KLHL42: variants seen among roughly 807,000 people sequenced by gnomAD.
KLHL42 encodes kelch-like protein 42.
Under a neutral mutation model 32.7 loss-of-function variants are expected in KLHL42, and 27 were observed. That is an observed-to-expected ratio of 0.83 (90% CI 0.61 to 1.14). KLHL42 has a LOEUF of 1.14. KLHL42 is among the 50% of genes most tolerant of loss of function. The pLI is 0.00. For synonymous variants in KLHL42, 267 were observed against 248.2 expected (o/e 1.08, Z -0.71); for missense variants, 491 against 560.8 (o/e 0.88, Z 1.26).
At position 27,801,528 on chromosome 12, in the gene KLHL42, T is replaced by C. The variant is rs1303522810; in HGVS notation, c.*3362T>C. ...GCAGCATAGCAATGTAAAAGGAATA[T>C]AAGTAGGTGTTGGATGCCTTTTTCC... On this transcript the variant is annotated 3_prime_UTR_variant, in exon 3 of 3. Transcript: ENST00000381271. 1 of 152,202 alleles carries C rather than the reference T, an allele frequency of 6.6e-6. No homozygotes were observed. Among genetic ancestry groups the C allele is most frequent in the Non-Finnish European group, 1.5e-5 (1 of 68,046 alleles). The allele number at this position is 152,202 out of a possible 1,614,324, so 9.4% of individuals were successfully genotyped here. A position where few individuals can be genotyped will look rare whatever the true frequency, so the allele number is the denominator to read the frequency against.
Position 27,797,639 on chromosome 12 carries a change from A to T in KLHL42, c.1067-76A>T, listed in dbSNP as rs576571768. The T allele has an allele frequency of 1.5e-4, 98 of 659,776 alleles. No homozygotes were observed. The African/African-American group carries it at 1.7e-3, about 11-fold the overall frequency. 40.9% of individuals were successfully genotyped at this position (659,776 alleles called of 1,614,324 possible). On this transcript the variant is annotated intron_variant, in intron 2 of 2. Coordinates refer to ENST00000381271, the MANE Select transcript of KLHL42 (RefSeq NM_020782.2). ...CTTTGTTACCAAATTATGCAGGCAG[A>T]GGTAGACATTTCTGTACAGACTTGC...
At chr12:27,791,328 G>A (rs2062196145) in intron 1 of KLHL42, among the ~76,000 whole-genome samples, 1 of 152,204 alleles carries the variant, frequency 6.6e-6, no homozygotes, top group Admixed American at 6.5e-5. Context: ...CCCATTCTGA[G>A]AGGTGAAAGA....
Position 27,802,405 on chromosome 12 carries a change from C to CT in KLHL42, c.*4240dup, listed in dbSNP as rs1339144545. The CT allele has an allele frequency of 6.6e-6, 1 of 152,380 alleles. No homozygotes were observed. The highest frequency in any genetic ancestry group is 1.5e-5 in the Non-Finnish European group (1 of 68,026). 9.4% of individuals were successfully genotyped at this position (152,380 alleles called of 1,614,324 possible). On this transcript the variant is annotated 3_prime_UTR_variant, in exon 3 of 3. Coordinates refer to ENST00000381271, the MANE Select transcript of KLHL42 (RefSeq NM_020782.2). ...TTAATAAAGAAATTTCCATTCCACA[C>CT]TAGTACTGATGAAAAGGTGGTTGAT...
At chr12:27,781,953 CA>C (rs1331014708) in intron 1 of KLHL42, among the ~76,000 whole-genome samples, 1 of 152,052 alleles carries the variant, frequency 6.6e-6, no homozygotes, top group Non-Finnish European at 1.5e-5. Flanking sequence ...GGAAAGGAAC[CA>C]GGGAAGGAAT....
At position 27,797,756 on chromosome 12, in the gene KLHL42, A is replaced by C. The variant is rs767212876; in HGVS notation, c.1108A>C (p.Met370Leu). Residue 370 changes from methionine (M) to leucine (L), a missense_variant, in exon 3 of 3, where the codon ATG becomes CTG. Physicochemically the swap from Met to Leu is conservative, Grantham distance 15. Around this residue, in one of 4 missense-constraint regions of KLHL42, gnomAD observed 152 missense variants for 125.9 expected, o/e 1.21. Transcript: ENST00000381271. Reference sequence around the variant, plus strand: ...TTTGCAGTACTGCCCCTCTTCCGACATGTGGACGCTCTTTGAAACATGTGA... The same window carrying C: ...TTTGCAGTACTGCCCCTCTTCCGACCTGTGGACGCTCTTTGAAACATGTGA... ...NILQYCPSSD[M>L]WTLFETCDVH... is the part of the protein sequence containing the mutation. 6.5e-5 allele frequency: 47 copies of C among 725,018 alleles called. No homozygotes were observed. The East Asian group carries it at 1.1e-3, about 17-fold the overall frequency. 44.9% of individuals were successfully genotyped at this position (725,018 alleles called of 1,614,324 possible).
At position 27,802,741 on chromosome 12, in the gene KLHL42, C is replaced by T. The variant is rs1342054994; in HGVS notation, c.*4575C>T. ...AATGTGATTTACGTTGTCATTTTTCCTATTAAAAAAAACCCTTAAGAATGG... is the reference window on the plus strand; with the variant it reads ...AATGTGATTTACGTTGTCATTTTTCTTATTAAAAAAAACCCTTAAGAATGG... On this transcript the variant is annotated 3_prime_UTR_variant, in exon 3 of 3. Coordinates refer to ENST00000381271, the MANE Select transcript of KLHL42 (RefSeq NM_020782.2). 2 of 151,840 alleles carry T rather than the reference C, an allele frequency of 1.3e-5. No individual in the cohort carries two copies. Among genetic ancestry groups the T allele is most frequent in the African/African-American group, 2.4e-5 (1 of 41,168 alleles). 9.4% of individuals were successfully genotyped at this position (151,840 alleles called of 1,614,324 possible).
At chr12:27,783,791 A>C (rs1294099921) in intron 1 of KLHL42, among the ~76,000 whole-genome samples, 1 of 151,964 alleles carries the variant, frequency 6.6e-6, no homozygotes, top group Non-Finnish European at 1.5e-5. Flanking sequence ...TCACTGTGTT[A>C]GACAGGATGG....
intron 2 of KLHL42, 88 bp downstream of exon 2, chr12:27,791,989 C>G (rs1049145316): frequency 5.6e-6 from 6 of 1,062,538 alleles, no homozygotes; most frequent in Non-Finnish European, 8.6e-6. Flanking sequence ...GAAGCCCCGA[C>G]ATATCCGAGT....
At chr12:27,795,407 C>T (rs1004912623) in intron 2 of KLHL42, among the ~76,000 whole-genome samples, 3 of 152,162 alleles carry the variant, frequency 2.0e-5, no homozygotes, top group South Asian at 2.1e-4. Context: ...GGCCACCCAC[C>T]GTGATTTCTG....
intron 2 of KLHL42, chr12:27,792,132 G>T: frequency 3.1e-6 from 1 of 327,544 alleles, no homozygotes; most frequent in African/African-American, 2.5e-5. Context: ...GGAAGGGAGA[G>T]CTGTGAAAAA....
Position 27,798,376 on chromosome 12 carries a change from AT to A in KLHL42, c.*215del. The A allele has an allele frequency of 1.9e-6, 1 of 516,658 alleles. No individual in the cohort carries two copies. 32.0% of individuals were successfully genotyped at this position (516,658 alleles called of 1,614,324 possible). A position where few individuals can be genotyped will look rare whatever the true frequency, so the allele number is the denominator to read the frequency against. On this transcript the variant is annotated 3_prime_UTR_variant, in exon 3 of 3. Coordinates refer to ENST00000381271, the MANE Select transcript of KLHL42 (RefSeq NM_020782.2). ...AACTTTGTTATTTTTTAAATTATTG[AT>A]TTTTAAATTATGGGAGCAAATCCAT...
chr12:27,798,098 C>T lies in KLHL42; in HGVS notation c.1450C>T (p.Arg484Cys), dbSNP rs1312720617. The stretch of plus-strand genomic sequence containing the variant: ...TTCAGATAGTTGGGAAGCATTTCGG[C>T]GTTTTCCAGCTTTTGGACATAACTT... ...IFSDSWEAFR[R>C]FPAFGHNLLV... Residue 484 changes from arginine (R) to cysteine (C), a missense_variant, in exon 3 of 3, where the codon CGT (arginine) becomes TGT (cysteine). Physicochemically the swap from Arg to Cys is radical, Grantham distance 180. This residue lies in a region of KLHL42 where 152 missense variants were observed against 125.9 expected (regional missense o/e 1.21). Transcript: ENST00000381271. 1 of 781,022 alleles carries T rather than the reference C, an allele frequency of 1.3e-6. No homozygotes were observed. The allele number at this position is 781,022 out of a possible 1,614,324, so 48.4% of individuals were successfully genotyped here. A position where few individuals can be genotyped will look rare whatever the true frequency, so the allele number is the denominator to read the frequency against.
Position 27,799,043 on chromosome 12 carries a change from C to T in KLHL42, c.*877C>T, listed in dbSNP as rs559097426. 6.6e-6 allele frequency: 1 copy of T among 152,610 alleles called. No homozygotes were observed. The highest frequency in any genetic ancestry group is 1.9e-4 in the East Asian group (1 of 5,182). 9.5% of individuals were successfully genotyped at this position (152,610 alleles called of 1,614,324 possible). The stretch of plus-strand genomic sequence containing the variant: ...GAAAAAAATTTGCCTTTAAGAGTTA[C>T]TTTTGTTGAATGTATTTGACTTAGT... On this transcript the variant is annotated 3_prime_UTR_variant, in exon 3 of 3. Coordinates refer to ENST00000381271, the MANE Select transcript of KLHL42 (RefSeq NM_020782.2).
chr12:27,791,960 G>A, intron 2 of KLHL42, 59 bp downstream of exon 2: 2 of 1,465,018 alleles, frequency 1.4e-6, no homozygotes, highest in Admixed American at 3.4e-5. Flanking sequence ...AGTCTGGGAA[G>A]GGCAAGAGGG....
At chr12:27,792,925 A>AT (rs1194798537) in intron 2 of KLHL42, among the ~76,000 whole-genome samples, 2 of 152,024 alleles carry the variant, frequency 1.3e-5, no homozygotes, top group South Asian at 2.1e-4. Context: ...CCACAAGCTT[A>AT]TTTTTTGTGG....
Position 27,780,315 on chromosome 12 carries a change from C to T in KLHL42, c.-16C>T. ...CAGATCTGGCGGTGAGCGCTGCCGC[C>T]CCGGGGCCCCCAGCCATGTCGGCCG... On this transcript the variant is annotated 5_prime_UTR_variant, in exon 1 of 3. Coordinates refer to ENST00000381271, the MANE Select transcript of KLHL42 (RefSeq NM_020782.2). This position sits in a 1 kb window ranked among gnomAD's most constrained non-coding sequence, Gnocchi z 8.8. 3 of 1,546,882 alleles carry T rather than the reference C, an allele frequency of 1.9e-6. No individual in the cohort carries two copies. Among genetic ancestry groups the T allele is most frequent in the Non-Finnish European group, 2.6e-6 (3 of 1,151,164 alleles).
rs2062244699 is a variant in KLHL42 at position 27,800,942 on chromosome 12, A to G, written c.*2776A>G. Reference sequence around the variant, plus strand: ...TTTTATAGATAGCAGTCTGAATGGTAGAGAGTCCTGTGTGTGGGTTGTTAG... The same window carrying G: ...TTTTATAGATAGCAGTCTGAATGGTGGAGAGTCCTGTGTGTGGGTTGTTAG... On this transcript the variant is annotated 3_prime_UTR_variant, in exon 3 of 3. Coordinates refer to ENST00000381271, the MANE Select transcript of KLHL42 (RefSeq NM_020782.2). The G allele has an allele frequency of 6.6e-6, 1 of 152,208 alleles. No homozygotes were observed. Among genetic ancestry groups the G allele is most frequent in the Admixed American group, 6.5e-5 (1 of 15,290 alleles). 9.4% of individuals were successfully genotyped at this position (152,208 alleles called of 1,614,324 possible).
At position 27,781,089 on chromosome 12, in the gene KLHL42, C is replaced by A; in HGVS notation, c.759C>A (p.Asn253Lys). ...GCTATGGGTCTGCCATCCTGGACAA[C>A]TACCTCTTCATAGTGGGCGGGTACA... ...VRGYGSAILD[N>K]YLFIVGGYRI... Residue 253 changes from asparagine to lysine, a missense_variant, in exon 1 of 3, where the codon AAC (asparagine) becomes AAA (lysine). Coordinates refer to ENST00000381271, the MANE Select transcript of KLHL42 (RefSeq NM_020782.2). 1 of 1,614,204 alleles carries A rather than the reference C, an allele frequency of 6.2e-7. No individual in the cohort carries two copies. Among genetic ancestry groups the A allele is most frequent in the East Asian group, 2.2e-5 (1 of 44,886 alleles).
At position 27,798,803 on chromosome 12, in the gene KLHL42, C is replaced by T. The variant is rs952668577; in HGVS notation, c.*637C>T. On this transcript the variant is annotated 3_prime_UTR_variant, in exon 3 of 3. Coordinates refer to ENST00000381271, the MANE Select transcript of KLHL42 (RefSeq NM_020782.2). ...AAAATATTCTTAGCTATTTTTCCAG[C>T]CTTTTTTGCAGTTACAAATGCTGGA... 1 of 152,444 alleles carries T rather than the reference C, an allele frequency of 6.6e-6. No individual in the cohort carries two copies. Among genetic ancestry groups the T allele is most frequent in the African/African-American group, 2.4e-5 (1 of 41,438 alleles). 9.4% of individuals were successfully genotyped at this position (152,444 alleles called of 1,614,324 possible). A position where few individuals can be genotyped will look rare whatever the true frequency, so the allele number is the denominator to read the frequency against.
Sources: allele counts gnomAD v4.1 joint callset (sites outside exome capture counted in the v4.1 genomes callset), GRCh38; gene constraint gnomAD v4.1.1; regional missense constraint gnomAD v4.1.1; non-coding constraint Gnocchi (gnomAD v3.1); transcripts MANE v1.5; gene names NCBI Gene and HGNC (gene_info 2026-07-23, HGNC 2026-07-21).